Variants in LRRN4 observed in about 807,000 individuals in gnomAD.
The protein encoded by LRRN4 is leucine-rich repeat neuronal protein 4.
A neutral mutation model predicts 22.3 loss-of-function variants in LRRN4; 26 were observed. The ratio of observed to expected loss-of-function variants is 1.16; its 90% CI spans 0.85 to 1.62. The LOEUF is 1.62. Ranked by LOEUF, LRRN4 falls within the 40% of genes most tolerant of loss-of-function variation. LRRN4 has a pLI of 0.00. For missense variants in LRRN4, 1,070 were observed against 1,008.5 expected (o/e 1.06, Z -0.83); for synonymous variants, 496 against 486.2 (o/e 1.02, Z -0.26).
rs186158560 is a variant in LRRN4, at chr20:6,042,692, G to A, written c.999-446C>T. 1.2e-4 allele frequency among the ~76,000 whole-genome samples: 19 copies of A among 152,154 alleles called. No homozygotes were observed. The East Asian group carries it at 1.7e-3, about 14-fold the overall frequency. ...TCTCAGCACTTTGGGAAGCTGAGGC[G>A]GGCAGATCACAAGGTCAGGAGGTCA... On this transcript the variant is annotated intron_variant, in intron 4 of 4. Coordinates refer to ENST00000378858, the MANE Select transcript of LRRN4 (RefSeq NM_152611.5).
chr20:6,047,647 TG>T (rs142669191), intron 3 of LRRN4, among the ~76,000 whole-genome samples: 3,876 of 146,682 alleles, frequency 0.026, 165 homozygotes, highest in African/African-American at 0.091. Flanking sequence ...AAAAAATAGC[TG>T]GGTGTGGTGG....
rs1207756421 is a variant in LRRN4, at chr20:6,052,667, C to T, written c.133G>A (p.Asp45Asn). 6.3e-7 allele frequency: 1 copy of T among 1,580,082 alleles called. No homozygotes were observed. The highest frequency in any genetic ancestry group is 1.8e-5 in the Admixed American group (1 of 56,856). The change falls in exon 2 of 5, where the codon GAC becomes AAC. Residue 45 changes from aspartate (D) to asparagine (N), a missense_variant. By Grantham distance (23) the Asp-to-Asn change is conservative. Transcript: ENST00000378858. ...PWGSSGSNAT[D>N]SPCEGLPAAD... ...GCGGGCAGCCCCTCGCAGGGCGAGTCGGTGGCGTTGCTGCCACTGCTCCCC... is the reference window on the plus strand; with the variant it reads ...GCGGGCAGCCCCTCGCAGGGCGAGTTGGTGGCGTTGCTGCCACTGCTCCCC...
At position 6,042,134 on chromosome 20, in the gene LRRN4, C is replaced by T. The variant is rs147438354; in HGVS notation, c.1111G>A (p.Gly371Arg). 8 of 1,614,118 alleles carry T rather than the reference C, an allele frequency of 5.0e-6. No individual in the cohort carries two copies. The highest frequency in any genetic ancestry group is 5.9e-6 in the Non-Finnish European group (7 of 1,180,004). ...TTGAAGCAAGGTGGGTGTGAAGCCC[C>T]GAGAGTGGTGCTTTGGTCGGACTGG... Reference protein sequence around the residue: ...VCQSDQSTTLGASHPPCFNRS... With the variant: ...VCQSDQSTTLRASHPPCFNRS... Residue 371 changes from glycine (G) to arginine (R), a missense_variant, in exon 5 of 5, where the codon GGG becomes AGG. Transcript: ENST00000378858.
chr20:6,049,330 G>A (rs1458489727), intron 3 of LRRN4, among the ~76,000 whole-genome samples: 1 of 152,148 alleles, frequency 6.6e-6, no homozygotes, highest in East Asian at 1.9e-4. Flanking sequence ...TATGATAAGT[G>A]GCAGATATCT....
rs754969702 is a variant in LRRN4 at position 6,041,535 on chromosome 20, G to C, written c.1710C>G (p.Cys570Trp). The C allele has an allele frequency of 1.3e-6, 2 of 1,551,292 alleles. No individual in the cohort carries two copies. The highest frequency in any genetic ancestry group is 3.8e-5 in the Admixed American group (2 of 52,562). ...TGGTGTCTTCCCCGCTGAGGCCGGG[G>C]CACCGGCACCGCCACCGCCTCTGCA... ...AELQRRWRCR[C>W]PGLSGEDTIP... Residue 570 changes from cysteine (C) to tryptophan (W), a missense_variant, in exon 5 of 5, where the codon TGC becomes TGG. Physicochemically the swap from Cys to Trp is radical, Grantham distance 215. Transcript: ENST00000378858. This position sits in a 1 kb window ranked among gnomAD's most constrained non-coding sequence, Gnocchi z 9.4.
intron 4 of LRRN4, among the ~76,000 whole-genome samples, chr20:6,043,347 T>G (rs980272157): frequency 3.3e-5 from 5 of 151,756 alleles, no homozygotes; most frequent in Non-Finnish European, 7.4e-5. Context: ...CCCAGTAGTC[T>G]GAGGCTGCAG....
chr20:6,050,937 G>T lies in LRRN4; in HGVS notation c.702C>A (p.Tyr234Ter). Reference sequence around the variant, plus strand: ...TCGTCAGCCGAGGCATCTTCCTCAGGTAGAGGGATGTGAGCTTCGGCAGGT... The same window carrying T: ...TCGTCAGCCGAGGCATCTTCCTCAGTTAGAGGGATGTGAGCTTCGGCAGGT... ...IRDLPKLTSL[Y>*]LRKMPRLTTL... is the part of the protein sequence containing the mutation. The change falls in exon 3 of 5, where the codon TAC becomes TAA. Residue 234 changes from tyrosine to a stop codon, truncating the protein, a stop_gained. Coordinates refer to ENST00000378858, the MANE Select transcript of LRRN4 (RefSeq NM_152611.5). LOFTEE classifies it high-confidence loss of function. 6.2e-7 allele frequency: 1 copy of T among 1,614,152 alleles called. No homozygotes were observed. Among genetic ancestry groups the T allele is most frequent in the Non-Finnish European group, 8.5e-7 (1 of 1,180,024 alleles).
rs1363112442 is a variant in LRRN4, at chr20:6,050,763, C to A, written c.860+16G>T. ...AAATCAGTCATGTGATGAAGATGTGCCTCAGAAGCACTTACTTCTGGAACA... is the reference window on the plus strand; with the variant it reads ...AAATCAGTCATGTGATGAAGATGTGACTCAGAAGCACTTACTTCTGGAACA... On this transcript the variant is annotated intron_variant, in intron 3 of 4. Transcript: ENST00000378858. 1.2e-6 allele frequency: 2 copies of A among 1,608,596 alleles called. No homozygotes were observed. The highest frequency in any genetic ancestry group is 2.2e-5 in the South Asian group (2 of 90,868).
Position 6,041,886 on chromosome 20 carries a change from G to C in LRRN4, c.1359C>G (p.Thr453=). The change falls in exon 5 of 5, where the codon ACC becomes ACG. Residue 453 remains threonine (T), a synonymous_variant. Transcript: ENST00000378858. This position sits in a 1 kb window ranked among gnomAD's most constrained non-coding sequence, Gnocchi z 9.4. ...CATGTTCTCCTCGGTGCTGGGTCCT[G>C]GTGGTGCTGGCAGCCCTGGGGAAAA... ...SSVFPRAAST[T]RTQHRGEHAP... 1.9e-6 allele frequency: 3 copies of C among 1,614,212 alleles called. No individual in the cohort carries two copies. Among genetic ancestry groups the C allele is most frequent in the Non-Finnish European group, 8.5e-7 (1 of 1,180,020 alleles).
intron 2 of LRRN4, 70 bp downstream of exon 2, chr20:6,052,074 GC>G (rs1245253989): frequency 2.7e-5 from 41 of 1,494,492 alleles, no homozygotes; most frequent in Non-Finnish European, 3.6e-5. Flanking sequence ...ACGCAGCCCT[GC>G]CCCCCGGAGC....
chr20:6,049,819 A>G (rs1358101259), intron 3 of LRRN4, among the ~76,000 whole-genome samples: 1 of 150,850 alleles, frequency 6.6e-6, no homozygotes, highest in Non-Finnish European at 1.5e-5. Context: ...CCACTATTAT[A>G]TCATACAATC....
intron 2 of LRRN4, among the ~76,000 whole-genome samples, chr20:6,051,199 G>A (rs935426414): frequency 2.0e-5 from 3 of 152,206 alleles, no homozygotes; most frequent in African/African-American, 7.2e-5. Context: ...AATCTGAGTC[G>A]GCCAAGGCCA....
rs996174353 is a variant in LRRN4, at chr20:6,041,486, C to G, written c.1759G>C (p.Gly587Arg). Residue 587 changes from glycine to arginine, a missense_variant, in exon 5 of 5, where the codon GGG (glycine) becomes CGG (arginine). Transcript: ENST00000378858. This position sits in a 1 kb window ranked among gnomAD's most constrained non-coding sequence, Gnocchi z 9.4. ...GACGTGTCCGTGGTCTCCGTCACCC[C>G]CTGCAGCCTGGGCGGGTCTGGGATG... ...DTIPDPPRLQ[G>R]VTETTDTSAL... 1.1e-5 allele frequency: 17 copies of G among 1,558,716 alleles called. No homozygotes were observed. Among genetic ancestry groups the G allele is most frequent in the Non-Finnish European group, 1.4e-5 (16 of 1,151,850 alleles).
At position 6,052,762 on chromosome 20, in the gene LRRN4, A is replaced by G; in HGVS notation, c.38T>C (p.Leu13Pro). Residue 13 changes from leucine (L) to proline (P), a missense_variant, in exon 2 of 5, where the codon CTG becomes CCG. By Grantham distance (98) the Leu-to-Pro change is moderately conservative (BLOSUM62 -3). Coordinates refer to ENST00000378858, the MANE Select transcript of LRRN4 (RefSeq NM_152611.5). ...QTLPLLLLTV[L>P]RPSWADPPQE... ...GGGAGGGTCTGCCCAGCTGGGGCGC[A>G]GCACCGTCAGCAGCAGCAGCGGTAG... 1.3e-6 allele frequency: 2 copies of G among 1,574,818 alleles called. No individual in the cohort carries two copies. Among genetic ancestry groups the G allele is most frequent in the East Asian group, 4.6e-5 (2 of 43,744 alleles).
At position 6,041,098 on chromosome 20, in the gene LRRN4, C is replaced by T. The variant is rs750887295; in HGVS notation, c.2147G>A (p.Arg716His). 1.2e-6 allele frequency: 2 copies of T among 1,613,218 alleles called. No homozygotes were observed. The highest frequency in any genetic ancestry group is 2.2e-5 in the East Asian group (1 of 44,878). Residue 716 changes from arginine to histidine, a missense_variant, in exon 5 of 5, where the codon CGC (arginine) becomes CAC (histidine). Physicochemically the swap from Arg to His is conservative, Grantham distance 29 (BLOSUM62 0). Coordinates refer to ENST00000378858, the MANE Select transcript of LRRN4 (RefSeq NM_152611.5). The surrounding 1 kb of genome is among the most constrained non-coding windows in gnomAD (Gnocchi z 9.4). ...GTAGGCCACCAGGTGCGTGTCGCAG[C>T]GCTGCAGGCCCAGCGTCTGGCCCCG... ...CRRGQTLGLQ[R>H]CDTHLVAYKN...
intron 3 of LRRN4, among the ~76,000 whole-genome samples, chr20:6,049,044 G>A (rs1331096278): frequency 1.3e-5 from 2 of 152,200 alleles, no homozygotes; most frequent in Admixed American, 6.5e-5. Flanking sequence ...CACTGACTTG[G>A]CAGCTGATGT....
rs1416506782 is a variant in LRRN4 at position 6,048,748 on chromosome 20, G to A, written c.860+2031C>T. Reference sequence around the variant, plus strand: ...TACTATCCAGCAGGCAATTAGATACGTGATTCTGGGGCTCATCAGAAGGCC... The same window carrying A: ...TACTATCCAGCAGGCAATTAGATACATGATTCTGGGGCTCATCAGAAGGCC... On this transcript the variant is annotated intron_variant, in intron 3 of 4. Transcript: ENST00000378858. 3.9e-5 allele frequency among the ~76,000 whole-genome samples: 6 copies of A among 152,180 alleles called. No homozygotes were observed. In the East Asian group the frequency reaches 5.8e-4, roughly 15 times the overall value.
rs1450408565 is a variant in LRRN4 at position 6,052,292 on chromosome 20, G to A, written c.508C>T (p.Pro170Ser). ...ALQPRAFACF[P>S]ALQLLNLSCT... Reference sequence around the variant, plus strand: ...GAGAGGTTGAGGAGCTGCAGCGCGGGGAAGCAGGCGAAGGCCCGGGGCTGC... The same window carrying A: ...GAGAGGTTGAGGAGCTGCAGCGCGGAGAAGCAGGCGAAGGCCCGGGGCTGC... The change falls in exon 2 of 5, where the codon CCC (proline) becomes TCC (serine). Residue 170 changes from proline (P) to serine (S), a missense_variant. Pro to Ser is a moderately conservative substitution (Grantham distance 74). Coordinates refer to ENST00000378858, the MANE Select transcript of LRRN4 (RefSeq NM_152611.5). 1.3e-6 allele frequency: 2 copies of A among 1,536,010 alleles called. No individual in the cohort carries two copies. Among genetic ancestry groups the A allele is most frequent in the Non-Finnish European group, 1.7e-6 (2 of 1,144,062 alleles).
At position 6,044,642 on chromosome 20, in the gene LRRN4, G is replaced by T. The variant is rs768284408; in HGVS notation, c.899C>A (p.Ser300Tyr). 8 of 1,586,604 alleles carry T rather than the reference G, an allele frequency of 5.0e-6. No homozygotes were observed. The highest frequency in any genetic ancestry group is 6.9e-6 in the Non-Finnish European group (8 of 1,167,182). ...GAGGTTGATCGATAGGACCTGGGAG[G>T]AATCCAGGGTCCAAGGAGGGAAGGA... ...LSSFPPWTLD[S>Y]SQVLSINLFG... is the part of the protein sequence containing the mutation. Residue 300 changes from serine to tyrosine, a missense_variant, in exon 4 of 5, where the codon TCC becomes TAC. Physicochemically the swap from Ser to Tyr is moderately radical, Grantham distance 144. Transcript: ENST00000378858.
Sources: allele counts gnomAD v4.1 joint callset (sites outside exome capture counted in the v4.1 genomes callset), GRCh38; gene constraint gnomAD v4.1.1; non-coding constraint Gnocchi (gnomAD v3.1); transcripts MANE v1.5; gene names NCBI Gene and HGNC (gene_info 2026-07-23, HGNC 2026-07-21).